The following DYNC1H1 variants were observed in gnomAD, a reference collection of about 807,000 sequenced individuals.
The protein encoded by DYNC1H1 is cytoplasmic dynein 1 heavy chain 1.
A neutral mutation model predicts 527.1 loss-of-function variants in DYNC1H1; 51 were observed. The observed-to-expected ratio is 0.10, with a 90% CI of 0.08 to 0.12. The LOEUF (loss-of-function observed/expected upper bound fraction) is 0.12, where lower values mean the gene tolerates loss of function less well. DYNC1H1 is among the 10% of genes least tolerant of loss of function. DYNC1H1 has a pLI of 1.00. For synonymous variants in DYNC1H1, 2,189 were observed against 2,278.8 expected (o/e 0.96, Z 1.12); for missense variants, 2,771 against 5,971.8 (o/e 0.46, Z 17.66).
At position 102,015,426 on chromosome 14, in the gene DYNC1H1, C is replaced by G. The variant is rs1280651037; in HGVS notation, c.7242+94C>G. The G allele has an allele frequency of 3.5e-6, 5 of 1,408,466 alleles. No homozygotes were observed. Among genetic ancestry groups the G allele is most frequent in the East Asian group, 5.0e-5 (2 of 40,054 alleles). The allele number at this position is 1,408,466 out of a possible 1,614,324, so 87.2% of individuals were successfully genotyped here. ...TGTTGCCCACGCTGGTCTTGAACTCCTGGGCCCAAGCAATCCACCTGCCTT... is the reference window on the plus strand; with the variant it reads ...TGTTGCCCACGCTGGTCTTGAACTCGTGGGCCCAAGCAATCCACCTGCCTT... On this transcript the variant is annotated intron_variant, in intron 35 of 77. Transcript: ENST00000360184. The surrounding 1 kb of genome is among the most constrained non-coding windows in gnomAD (Gnocchi z 6.9).
At chr14:101,980,913 G>A (rs1262592070) in intron 5 of DYNC1H1, among the ~76,000 whole-genome samples, 5 of 152,174 alleles carry the variant, frequency 3.3e-5, no homozygotes, top group Admixed American at 3.3e-4. Context: ...GGTGGTTTAA[G>A]TGAAGCAGTT....
Position 101,997,003 on chromosome 14 carries a change from A to G in DYNC1H1, c.3565-32A>G, listed in dbSNP as rs1010413932. On this transcript the variant is annotated intron_variant, in intron 15 of 77. Transcript: ENST00000360184. The surrounding 1 kb of genome is among the most constrained non-coding windows in gnomAD (Gnocchi z 4.8). ...ATAATTTCTATCATTGTTATAGAAGAAAAAACTTGATTTATTTTTTAACTC... is the reference window on the plus strand; with the variant it reads ...ATAATTTCTATCATTGTTATAGAAGGAAAAACTTGATTTATTTTTTAACTC... The G allele has an allele frequency of 4.4e-6, 7 of 1,598,242 alleles. No individual in the cohort carries two copies. The African/African-American group carries it at 9.4e-5, about 22-fold the overall frequency.
chr14:101,981,673 T>A (rs1335745122), intron 5 of DYNC1H1, among the ~76,000 whole-genome samples: 1 of 152,246 alleles, frequency 6.6e-6, no homozygotes, highest in Non-Finnish European at 1.5e-5. Flanking sequence ...ACCTTCCGGT[T>A]ACTTAGATCA....
rs2152578465 is a variant in DYNC1H1 at position 102,011,197 on chromosome 14, A to T, written c.6618+245A>T. The T allele has an allele frequency of 1.8e-6, 1 of 549,688 alleles. No individual in the cohort carries two copies. The highest frequency in any genetic ancestry group is 3.0e-5 in the Admixed American group (1 of 33,664). The allele number at this position is 549,688 out of a possible 1,614,324, so 34.1% of individuals were successfully genotyped here. A position where few individuals can be genotyped will look rare whatever the true frequency, so the allele number is the denominator to read the frequency against. On this transcript the variant is annotated intron_variant, in intron 32 of 77. Coordinates refer to ENST00000360184, the MANE Select transcript of DYNC1H1 (RefSeq NM_001376.5). This position sits in a 1 kb window ranked among gnomAD's most constrained non-coding sequence, Gnocchi z 5.3. ...TTCAATTTCTGAAAATGCTAAGTGC[A>T]TGACTATATTGGAAAGTTGTTTATA...
In DYNC1H1 at chr14:102,038,440, T is replaced by C; in HGVS notation, c.10909-20T>C. On this transcript the variant is annotated intron_variant, in intron 57 of 77. Coordinates refer to ENST00000360184, the MANE Select transcript of DYNC1H1 (RefSeq NM_001376.5). This position sits in a 1 kb window ranked among gnomAD's most constrained non-coding sequence, Gnocchi z 7.2. ...AGTTACAAAGCCCTGACCATCAAGTTCCACCCGTGTGGAATGCAGGATGTG... is the reference window on the plus strand; with the variant it reads ...AGTTACAAAGCCCTGACCATCAAGTCCCACCCGTGTGGAATGCAGGATGTG... 6.8e-6 allele frequency: 11 copies of C among 1,613,422 alleles called. No individual in the cohort carries two copies. The highest frequency in any genetic ancestry group is 1.3e-5 in the African/African-American group (1 of 75,002).
At chr14:101,981,182 G>T (rs2047859900) in intron 5 of DYNC1H1, among the ~76,000 whole-genome samples, 1 of 152,014 alleles carries the variant, frequency 6.6e-6, no homozygotes. Flanking sequence ...GGAATGTGGT[G>T]GCATAATCAT....
rs889332509 is a variant in DYNC1H1, at chr14:102,016,037, A to G, written c.7424A>G (p.Asn2475Ser). The G allele has an allele frequency of 6.2e-6, 10 of 1,613,370 alleles. No individual in the cohort carries two copies. Among genetic ancestry groups the G allele is most frequent in the African/African-American group, 1.3e-5 (1 of 74,918 alleles). ...ACRNVAQYNA[N>S]HPDFPMQIEQ... The stretch of plus-strand genomic sequence containing the variant: ...CGCAACGTGGCGCAGTATAACGCCA[A>G]CCATCCCGACTTCCCCATGCAGATC... Residue 2475 changes from asparagine to serine, a missense_variant, in exon 36 of 78, where the codon AAC becomes AGC. Asn to Ser is a conservative substitution (Grantham distance 46). Transcript: ENST00000360184. This position sits in a 1 kb window ranked among gnomAD's most constrained non-coding sequence, Gnocchi z 7.3.
Position 101,986,694 on chromosome 14 carries a change from G to A in DYNC1H1, c.2469G>A (p.Val823=), listed in dbSNP as rs752401814. The A allele has an allele frequency of 6.2e-7, 1 of 1,614,076 alleles. No homozygotes were observed. Among genetic ancestry groups the A allele is most frequent in the Non-Finnish European group, 8.5e-7 (1 of 1,180,042 alleles). ...QALIAEGIAL[V]WESYKLDPYV... ...TGATCGCAGAAGGCATTGCGTTGGT[G>A]TGGGAGTCCTACAAACTTGACCCAT... Residue 823 remains valine, a synonymous_variant, in exon 8 of 78, where the codon GTG becomes GTA. Coordinates refer to ENST00000360184, the MANE Select transcript of DYNC1H1 (RefSeq NM_001376.5). This position sits in a 1 kb window ranked among gnomAD's most constrained non-coding sequence, Gnocchi z 8.7.
In DYNC1H1 at chr14:101,985,664, G is replaced by A. The variant is rs1244405802; in HGVS notation, c.1462-23G>A. 4 of 1,613,284 alleles carry A rather than the reference G, an allele frequency of 2.5e-6. No homozygotes were observed. Among genetic ancestry groups the A allele is most frequent in the Non-Finnish European group, 3.4e-6 (4 of 1,179,420 alleles). On this transcript the variant is annotated intron_variant, in intron 7 of 77. Coordinates refer to ENST00000360184, the MANE Select transcript of DYNC1H1 (RefSeq NM_001376.5). The surrounding 1 kb of genome is among the most constrained non-coding windows in gnomAD (Gnocchi z 5.9). ...AGCCTTCGTTTGGTCAGCATTTCTTGATTACATATCTTTCTCCTTTAGGTC... is the reference window on the plus strand; with the variant it reads ...AGCCTTCGTTTGGTCAGCATTTCTTAATTACATATCTTTCTCCTTTAGGTC...
chr14:102,047,400 G>A (rs766684938), intron 72 of DYNC1H1, among the ~76,000 whole-genome samples: 3 of 151,672 alleles, frequency 2.0e-5, no homozygotes, highest in South Asian at 2.1e-4. Context: ...AGCCAGGCGC[G>A]GTGCCACATG....
At position 102,049,718 on chromosome 14, in the gene DYNC1H1, T is replaced by G; in HGVS notation, c.13520T>G (p.Ile4507Ser). 6.2e-7 allele frequency: 1 copy of G among 1,613,840 alleles called. No individual in the cohort carries two copies. The highest frequency in any genetic ancestry group is 8.5e-7 in the Non-Finnish European group (1 of 1,180,012). The change falls in exon 76 of 78, where the codon ATC (isoleucine) becomes AGC (serine). Residue 4507 changes from isoleucine (I) to serine (S), a missense_variant. Ile to Ser is a moderately radical substitution (Grantham distance 142, BLOSUM62 -2). Around this residue, in one of 32 missense-constraint regions of DYNC1H1, gnomAD observed 170 missense variants for 249.8 expected, o/e 0.68. Coordinates refer to ENST00000360184, the MANE Select transcript of DYNC1H1 (RefSeq NM_001376.5). This position sits in a 1 kb window ranked among gnomAD's most constrained non-coding sequence, Gnocchi z 5.5. ...ASGGAKELKN[I>S]HVCLGGLFVP... ...GGGGGCTGCTGCTTTCCACAGAACA[T>G]CCACGTGTGCCTGGGTGGCCTGTTC...
chr14:102,039,844 A>T lies in DYNC1H1; in HGVS notation c.11690+112A>T, dbSNP rs1213446100. The T allele has an allele frequency of 8.1e-7, 1 of 1,233,826 alleles. No individual in the cohort carries two copies. Among genetic ancestry groups the T allele is most frequent in the Non-Finnish European group, 1.1e-6 (1 of 887,072 alleles). 76.4% of individuals were successfully genotyped at this position (1,233,826 alleles called of 1,614,324 possible). A position where few individuals can be genotyped will look rare whatever the true frequency, so the allele number is the denominator to read the frequency against. On this transcript the variant is annotated intron_variant, in intron 62 of 77. Coordinates refer to ENST00000360184, the MANE Select transcript of DYNC1H1 (RefSeq NM_001376.5). The surrounding 1 kb of genome is among the most constrained non-coding windows in gnomAD (Gnocchi z 7.0). ...TTTTATTTTCTCTTTTATTTTCTTT[A>T]TTTTATTTTTTGAGACGGAGTCTCC...
chr14:101,990,060 T>G (rs1162896010), intron 10 of DYNC1H1, among the ~76,000 whole-genome samples: 2 of 152,212 alleles, frequency 1.3e-5, no homozygotes, highest in Non-Finnish European at 2.9e-5. Flanking sequence ...CAGCGGGCTG[T>G]CATCTAGACT....
intron 42 of DYNC1H1, among the ~76,000 whole-genome samples, chr14:102,022,113 G>A (rs1448086981): frequency 6.6e-6 from 1 of 151,514 alleles, no homozygotes; most frequent in East Asian, 2.0e-4. Flanking sequence ...TTCAGCCTGG[G>A]CAACAGAGTG....
Position 102,004,809 on chromosome 14 carries a change from T to A in DYNC1H1, c.5097T>A (p.Asn1699Lys). 6.2e-7 allele frequency: 1 copy of A among 1,614,240 alleles called. No homozygotes were observed. Among genetic ancestry groups the A allele is most frequent in the Non-Finnish European group, 8.5e-7 (1 of 1,180,040 alleles). ...CAATTACTGAACATCCCAAAATCAATGAGTGGCTCACATTGGTAGAAAAGG... is the reference window on the plus strand; with the variant it reads ...CAATTACTGAACATCCCAAAATCAAAGAGTGGCTCACATTGGTAGAAAAGG... ...PVSITEHPKI[N>K]EWLTLVEKEM... Residue 1699 changes from asparagine (N) to lysine (K), a missense_variant, in exon 25 of 78, where the codon AAT becomes AAA. By Grantham distance (94) the Asn-to-Lys change is moderately conservative. Coordinates refer to ENST00000360184, the MANE Select transcript of DYNC1H1 (RefSeq NM_001376.5).
Position 102,015,706 on chromosome 14 carries a change from C to T in DYNC1H1, c.7243-150C>T. The T allele has an allele frequency of 1.1e-6, 1 of 910,002 alleles. No individual in the cohort carries two copies. The highest frequency in any genetic ancestry group is 1.5e-5 in the South Asian group (1 of 66,372). The allele number at this position is 910,002 out of a possible 1,614,324, so 56.4% of individuals were successfully genotyped here. A position where few individuals can be genotyped will look rare whatever the true frequency, so the allele number is the denominator to read the frequency against. On this transcript the variant is annotated intron_variant, in intron 35 of 77. Coordinates refer to ENST00000360184, the MANE Select transcript of DYNC1H1 (RefSeq NM_001376.5). The surrounding 1 kb of genome is among the most constrained non-coding windows in gnomAD (Gnocchi z 6.9). ...TGGGAAGCAGGGTTTTTGAGAACCA[C>T]CAGGGTGAAGGAATGAGGACTGGTC...
In DYNC1H1 at chr14:101,980,612, C is replaced by T. The variant is rs1478093472; in HGVS notation, c.961+62C>T. The T allele has an allele frequency of 4.5e-6, 7 of 1,566,582 alleles. No individual in the cohort carries two copies. The African/African-American group carries it at 9.5e-5, about 21-fold the overall frequency. Reference sequence around the variant, plus strand: ...TTGATCTGGCTTTTACGAGATCTTACTTGATAATTTAAATGAAAACTATAG... The same window carrying T: ...TTGATCTGGCTTTTACGAGATCTTATTTGATAATTTAAATGAAAACTATAG... On this transcript the variant is annotated intron_variant, in intron 5 of 77. Coordinates refer to ENST00000360184, the MANE Select transcript of DYNC1H1 (RefSeq NM_001376.5).
rs565409549 is a variant in DYNC1H1, at chr14:101,989,895, A to G, written c.2868+1043A>G. Among the ~76,000 whole-genome samples, 8 of 152,344 alleles carry G rather than the reference A, an allele frequency of 5.3e-5. No homozygotes were observed. The South Asian group carries it at 8.3e-4, about 16-fold the overall frequency. On this transcript the variant is annotated intron_variant, in intron 10 of 77. Coordinates refer to ENST00000360184, the MANE Select transcript of DYNC1H1 (RefSeq NM_001376.5). ...CAATTGTGGTCCCGACGATTACAAT[A>G]CCATATTTTTACTGTACCTTTTCTA...
At chr14:101,996,268 T>G (rs557499967) in intron 15 of DYNC1H1, among the ~76,000 whole-genome samples, 1 of 151,730 alleles carries the variant, frequency 6.6e-6, no homozygotes, top group East Asian at 2.0e-4. Context: ...TAGCTGGAAT[T>G]ACAGGCGCCC....
Sources: allele counts gnomAD v4.1 joint callset (sites outside exome capture counted in the v4.1 genomes callset), GRCh38; gene constraint gnomAD v4.1.1; regional missense constraint gnomAD v4.1.1; non-coding constraint Gnocchi (gnomAD v3.1); transcripts MANE v1.5; gene names NCBI Gene and HGNC (gene_info 2026-07-23, HGNC 2026-07-21).